The following SPPL3 variants were observed in gnomAD, a reference collection of about 807,000 sequenced individuals.
SPPL3 encodes signal peptide peptidase like 3, also known as signal peptide peptidase-like 3.
SPPL3 carries 5 observed loss-of-function variants against 42.4 expected under a neutral mutation model. The ratio of observed to expected loss-of-function variants is 0.12; its 90% confidence interval spans 0.06 to 0.25. SPPL3 has a LOEUF of 0.25. SPPL3 is among the 10% of genes least tolerant of loss of function. The probability of loss-of-function intolerance (pLI) is 1.00; values close to 1 mark genes in which losing one functional copy is unlikely to be tolerated. For missense variants in SPPL3, 235 were observed against 489.0 expected, an observed-to-expected ratio of 0.48 and a Z score of 4.90; for synonymous variants, 195 against 181.8, an observed-to-expected ratio of 1.07 and a Z score of -0.58.
At chr12:120,805,565 A>C (rs149245019) in intron 2 of SPPL3, among the ~76,000 whole-genome samples, 143 of 152,358 alleles carry the variant, frequency 9.4e-4, no homozygotes, top group Middle Eastern at 6.8e-3. Context: ...AAGCAGCAGC[A>C]AAACTGCCTT....
At chr12:120,886,110 T>G (rs539612377) in intron 1 of SPPL3, among the ~76,000 whole-genome samples, 3 of 151,598 alleles carry the variant, frequency 2.0e-5, no homozygotes, top group African/African-American at 7.3e-5. Flanking sequence ...CCCCAAGTGC[T>G]GGGATTACAG....
chr12:120,879,043 G>T (rs1188538066), intron 1 of SPPL3, among the ~76,000 whole-genome samples: 1 of 150,124 alleles, frequency 6.7e-6, no homozygotes, highest in Non-Finnish European at 1.5e-5. Context: ...AACCTGGGAG[G>T]CGGAGGTTGT....
intron 1 of SPPL3, among the ~76,000 whole-genome samples, chr12:120,855,612 G>A (rs746780283): frequency 1.3e-4 from 19 of 151,850 alleles, no homozygotes; most frequent in African/African-American, 3.4e-4. Flanking sequence ...GCTTGAACCC[G>A]GGAGATGGTG....
intron 1 of SPPL3, among the ~76,000 whole-genome samples, chr12:120,888,094 T>C (rs1437025080): frequency 2.0e-5 from 3 of 152,190 alleles, no homozygotes; most frequent in Non-Finnish European, 4.4e-5. Flanking sequence ...TTGGTTTTTT[T>C]AGACAGAGTC....
chr12:120,797,053 C>T (rs1393994608), intron 2 of SPPL3, among the ~76,000 whole-genome samples: 1 of 152,084 alleles, frequency 6.6e-6, no homozygotes, highest in African/African-American at 2.4e-5. Flanking sequence ...GCCTGTAATC[C>T]GAGCTACCCA....
At chr12:120,820,347 G>A (rs1461512426) in intron 1 of SPPL3, among the ~76,000 whole-genome samples, 4 of 119,180 alleles carry the variant, frequency 3.4e-5, no homozygotes, top group Non-Finnish European at 4.8e-5. Flanking sequence ...CAAGAGTCTC[G>A]CTCTGTCGCC....
intron 2 of SPPL3, among the ~76,000 whole-genome samples, chr12:120,796,368 T>C (rs1429664518): frequency 2.0e-5 from 3 of 152,184 alleles, no homozygotes; most frequent in African/African-American, 4.8e-5. Flanking sequence ...AGAGCAACTC[T>C]GTCTCAAAAA....
rs562152174 is a variant in SPPL3, at chr12:120,764,916, C to A, written c.*83G>T. On this transcript the variant is annotated 3_prime_UTR_variant, in exon 11 of 11. Coordinates refer to ENST00000353487, the MANE Select transcript of SPPL3 (RefSeq NM_139015.5). Reference sequence around the variant, plus strand: ...TTAAACACAGGTACATTTCTGAGTACCAGGCCAGCTCTAAGAGGAAACAAA... The same window carrying A: ...TTAAACACAGGTACATTTCTGAGTAACAGGCCAGCTCTAAGAGGAAACAAA... The A allele has an allele frequency of 4.8e-6, 7 of 1,461,888 alleles. No homozygotes were observed. The highest frequency in any genetic ancestry group is 2.5e-5 in the South Asian group (2 of 80,612). 90.6% of individuals were successfully genotyped at this position (1,461,888 alleles called of 1,614,324 possible).
chr12:120,848,535 C>A (rs918744889), intron 1 of SPPL3, among the ~76,000 whole-genome samples: 2 of 152,122 alleles, frequency 1.3e-5, no homozygotes, highest in African/African-American at 4.8e-5. Context: ...TACTTGCCCC[C>A]GCCACACCCC....
At position 120,820,409 on chromosome 12, in the gene SPPL3, A is replaced by G. The variant is rs971381411; in HGVS notation, c.24-9523T>C. 8.0e-4 allele frequency among the ~76,000 whole-genome samples: 109 copies of G among 136,684 alleles called. 1 individual carries two copies. The highest frequency in any genetic ancestry group is 2.8e-3 in the African/African-American group (100 of 35,370). The allele number at this position is 136,684 out of a possible 152,430, so 89.7% of individuals were successfully genotyped here. On this transcript the variant is annotated intron_variant, in intron 1 of 10. Transcript: ENST00000353487. Reference sequence around the variant, plus strand: ...TGGCTCACTGCAAGCTCCGCCTCCCAGGTTCACGCCATTCTCCTGCCTCAG... The same window carrying G: ...TGGCTCACTGCAAGCTCCGCCTCCCGGGTTCACGCCATTCTCCTGCCTCAG...
At chr12:120,854,796 T>C (rs991644743) in intron 1 of SPPL3, among the ~76,000 whole-genome samples, 1 of 152,206 alleles carries the variant, frequency 6.6e-6, no homozygotes, top group African/African-American at 2.4e-5. Flanking sequence ...TTCCTACTCC[T>C]TTTAAATAAC....
At chr12:120,890,007 A>G (rs1873584567) in intron 1 of SPPL3, among the ~76,000 whole-genome samples, 1 of 152,032 alleles carries the variant, frequency 6.6e-6, no homozygotes, top group South Asian at 2.1e-4. Context: ...GCACTTTGGG[A>G]GGCCAACGTG....
chr12:120,884,469 G>C (rs1454217945), intron 1 of SPPL3, among the ~76,000 whole-genome samples: 1 of 150,970 alleles, frequency 6.6e-6, no homozygotes, highest in South Asian at 2.1e-4. Context: ...AATTTTCTAA[G>C]TAAGTTAAAT....
rs879113959 is a variant in SPPL3, at chr12:120,764,925, C to T, written c.*74G>A. 1 of 1,522,668 alleles carries T rather than the reference C, an allele frequency of 6.6e-7. No individual in the cohort carries two copies. The highest frequency in any genetic ancestry group is 9.0e-7 in the Non-Finnish European group (1 of 1,110,004). 94.3% of individuals were successfully genotyped at this position (1,522,668 alleles called of 1,614,324 possible). ...GGTACATTTCTGAGTACCAGGCCAG[C>T]TCTAAGAGGAAACAAACCATGAGTT... is the stretch of plus-strand genomic sequence containing the variant. On this transcript the variant is annotated 3_prime_UTR_variant, in exon 11 of 11. Transcript: ENST00000353487.
At chr12:120,895,790 G>A (rs1295801723) in intron 1 of SPPL3, among the ~76,000 whole-genome samples, 1 of 152,120 alleles carries the variant, frequency 6.6e-6, no homozygotes, top group Non-Finnish European at 1.5e-5. Flanking sequence ...CATAACTATT[G>A]TACCAAATAC....
At chr12:120,887,658 G>A (rs1395688150) in intron 1 of SPPL3, among the ~76,000 whole-genome samples, 1 of 152,154 alleles carries the variant, frequency 6.6e-6, no homozygotes, top group Non-Finnish European at 1.5e-5. Context: ...CTAAATTTTT[G>A]TTCTTGACAC....
intron 2 of SPPL3, among the ~76,000 whole-genome samples, chr12:120,792,943 T>TA (rs1869970881): frequency 1.3e-5 from 2 of 151,956 alleles, no homozygotes; most frequent in African/African-American, 2.4e-5. Flanking sequence ...GAGAAAAACT[T>TA]AAAAAACTTA....
intron 1 of SPPL3, among the ~76,000 whole-genome samples, chr12:120,894,718 G>A (rs1251497237): frequency 2.0e-5 from 3 of 152,174 alleles, no homozygotes; most frequent in African/African-American, 4.8e-5. Flanking sequence ...GGCCGAGGCG[G>A]GTGGATCACC....
chr12:120,860,066 C>A (rs1344423321), intron 1 of SPPL3, among the ~76,000 whole-genome samples: 1 of 152,102 alleles, frequency 6.6e-6, no homozygotes, highest in African/African-American at 2.4e-5. Context: ...CATAGTGAGA[C>A]CCCCATCTCT....
Sources: gnomAD v4.1 joint callset for allele counts (sites outside exome capture counted in the v4.1 genomes callset) on GRCh38, gnomAD v4.1.1 for gene constraint, MANE v1.5 for transcripts, NCBI Gene and HGNC (gene_info 2026-07-23, HGNC 2026-07-21) for gene names.